The following SPTA1 variants were observed in gnomAD, a reference collection of about 807,000 sequenced individuals.
The protein encoded by SPTA1 is spectrin alpha, erythrocytic 1, also known as spectrin alpha chain, erythrocytic 1.
Under a neutral mutation model 324.7 loss-of-function variants are expected in SPTA1, and 177 were observed. The observed-to-expected ratio is 0.55, with a 90% CI of 0.48 to 0.62. SPTA1 has a LOEUF of 0.62. SPTA1 is among the 20% of genes least tolerant of loss of function. SPTA1 has a pLI of 0.00. For synonymous variants in SPTA1, 1,195 were observed against 1,041.3 expected, an observed-to-expected ratio of 1.15 and a Z score of -2.84; for missense variants, 3,162 against 2,883.6, an observed-to-expected ratio of 1.10 and a Z score of -2.21.
At chr1:158,670,171 C>G (rs1653911998) in intron 12 of SPTA1, among the ~76,000 whole-genome samples, 1 of 152,134 alleles carries the variant, frequency 6.6e-6, no homozygotes, top group Non-Finnish European at 1.5e-5. Flanking sequence ...CTATCTCTAT[C>G]TCATCTCTAC....
chr1:158,631,264 A>C (rs1298582145), intron 39 of SPTA1, among the ~76,000 whole-genome samples: 1 of 152,232 alleles, frequency 6.6e-6, no homozygotes, highest in Non-Finnish European at 1.5e-5. Flanking sequence ...ACATCATGGA[A>C]TAGTACTCAG....
intron 7 of SPTA1, among the ~76,000 whole-genome samples, chr1:158,676,579 G>A (rs1375236366): frequency 1.3e-5 from 2 of 151,794 alleles, no homozygotes; most frequent in East Asian, 3.9e-4. Flanking sequence ...TCTTTTATGC[G>A]AAAACTGAGA....
intron 1 of SPTA1, 80 bp from the exon 2 acceptor site, chr1:158,685,427 T>C: frequency 2.5e-6 from 4 of 1,584,516 alleles, no homozygotes; most frequent in Non-Finnish European, 3.4e-6. Flanking sequence ...TCAAGGTGTT[T>C]ACTCATGTTG....
chr1:158,663,729 G>A (rs966718780), intron 16 of SPTA1, among the ~76,000 whole-genome samples: 15 of 152,052 alleles, frequency 9.9e-5, no homozygotes, highest in African/African-American at 2.9e-4. Context: ...GGTAGCATTA[G>A]GACAAATACC....
rs2101946937 is a variant in SPTA1 at position 158,681,739 on chromosome 1, G to T, written c.391-72C>A. The T allele has an allele frequency of 1.9e-6, 3 of 1,597,990 alleles. No individual in the cohort carries two copies. The South Asian group carries it at 3.3e-5, about 18-fold the overall frequency. ...AGGGAAACACTCAGAGACTTGTGCA[G>T]AAAGAGACCTGGATAAAAATTCTTC... On this transcript the variant is annotated intron_variant, in intron 3 of 51. Transcript: ENST00000643759.
intron 3 of SPTA1, among the ~76,000 whole-genome samples, chr1:158,682,663 A>C (rs1022746913): frequency 4.6e-5 from 7 of 152,212 alleles, no homozygotes; most frequent in African/African-American, 1.7e-4. Context: ...CAATTAAAAA[A>C]ATACATAAAC....
chr1:158,629,834 C>T (rs959768272), intron 39 of SPTA1, among the ~76,000 whole-genome samples: 3 of 151,620 alleles, frequency 2.0e-5, no homozygotes, highest in South Asian at 2.1e-4. Context: ...ACATAAAAGT[C>T]GGTTTAGAAA....
intron 8 of SPTA1, 142 bp from the exon 9 acceptor site, chr1:158,674,817 C>G: frequency 8.5e-7 from 1 of 1,175,488 alleles, no homozygotes; most frequent in Non-Finnish European, 1.2e-6. Flanking sequence ...TGATTATTTC[C>G]TGTTATTTAC....
Position 158,626,831 on chromosome 1 carries a change from C to T in SPTA1, c.5833+8G>A. 1 of 1,613,544 alleles carries T rather than the reference C, an allele frequency of 6.2e-7. No individual in the cohort carries two copies. Among genetic ancestry groups the T allele is most frequent in the Admixed American group, 1.7e-5 (1 of 60,012 alleles). ...AACCCAAGGGACCCTGAACCTGACA[C>T]ATCATACCTATCCAAGCCTCTACCA... On this transcript the variant is annotated splice_region_variant and intron_variant, in intron 41 of 51. Coordinates refer to ENST00000643759, the MANE Select transcript of SPTA1 (RefSeq NM_003126.4).
chr1:158,612,730 GT>G (rs748529572), intron 51 of SPTA1, 86 bp downstream of exon 51: 8 of 1,507,384 alleles, frequency 5.3e-6, no homozygotes, highest in South Asian at 1.2e-5. Flanking sequence ...AAGTGGGTGG[GT>G]TTTTTCAAAG....
At position 158,619,321 on chromosome 1, in the gene SPTA1, T is replaced by C. The variant is rs560269457; in HGVS notation, c.6431A>G (p.Glu2144Gly). 114 of 1,614,140 alleles carry C rather than the reference T, an allele frequency of 7.1e-5. 1 individual carries two copies. In the South Asian group the frequency reaches 1.2e-3, roughly 17 times the overall value. The change falls in exon 45 of 52, where the codon GAG becomes GGG. Residue 2144 changes from glutamate to glycine, a missense_variant. By Grantham distance (98) the Glu-to-Gly change is moderately conservative. Transcript: ENST00000643759. The part of the protein sequence containing the change: ...LSDIIEEREQ[E>G]LQKEEARQVK... ...CTGTCTTGCCTCTTCCTTTTGCAGC[T>C]CCTGCTCCCGTTCCTAAAACCCCAA...
intron 18 of SPTA1, among the ~76,000 whole-genome samples, chr1:158,660,692 G>T (rs557246480): frequency 1.9e-4 from 29 of 152,166 alleles, no homozygotes; most frequent in Admixed American, 1.9e-3. Context: ...CTAGATACTG[G>T]TTGGCATCAA....
At chr1:158,646,324 C>A (rs1483458837) in intron 27 of SPTA1, among the ~76,000 whole-genome samples, 1 of 151,962 alleles carries the variant, frequency 6.6e-6, no homozygotes, top group Non-Finnish European at 1.5e-5. Flanking sequence ...CAACAGGAAC[C>A]CTTAGCTCTA....
chr1:158,669,436 T>C lies in SPTA1; in HGVS notation c.1805A>G (p.Lys602Arg), dbSNP rs753096731. Residue 602 changes from lysine (K) to arginine (R), a missense_variant, in exon 14 of 52, where the codon AAA (lysine) becomes AGA (arginine). Transcript: ENST00000643759. ...DDLKNWINKK[K>R]KLADDEDYKD... ...GTAATCTTCATCATCTGCCAACTTT[T>C]TCTTCTTGTTGATCCAGTTCTTTAG... 44 of 1,614,016 alleles carry C rather than the reference T, an allele frequency of 2.7e-5. No individual in the cohort carries two copies. Among genetic ancestry groups the C allele is most frequent in the Non-Finnish European group, 3.4e-5 (40 of 1,179,990 alleles).
intron 5 of SPTA1, among the ~76,000 whole-genome samples, chr1:158,679,989 G>A (rs1407911851): frequency 6.6e-6 from 1 of 151,982 alleles, no homozygotes; most frequent in Non-Finnish European, 1.5e-5. Context: ...AAATGGAAAA[G>A]CAAAATATAG....
chr1:158,652,638 C>T lies in SPTA1; in HGVS notation c.3204G>A (p.Leu1068=), dbSNP rs749454806. 26 of 1,613,968 alleles carry T rather than the reference C, an allele frequency of 1.6e-5. 1 individual carries two copies. In the South Asian group the frequency reaches 2.2e-4, roughly 14 times the overall value. Residue 1068 remains leucine, a synonymous_variant, in exon 23 of 52, where the codon TTG becomes TTA. Transcript: ENST00000643759. ...EQIENQYRSL[L]DRAEERRRRL... ...GACGTCTGCGTTCTTCTGCCCGATC[C>T]AAGAGGGAGCGGTATCTGGATGGAG... is the stretch of plus-strand genomic sequence containing the variant.
intron 2 of SPTA1, 139 bp downstream of exon 2, chr1:158,684,969 C>T (rs1655061158): frequency 6.9e-6 from 7 of 1,017,854 alleles, no homozygotes; most frequent in Admixed American, 6.3e-5. Flanking sequence ...TAACTTCCCA[C>T]TCCACTGACT....
intron 3 of SPTA1, among the ~76,000 whole-genome samples, chr1:158,682,632 T>C (rs959909771): frequency 6.6e-6 from 1 of 152,172 alleles, no homozygotes; most frequent in Non-Finnish European, 1.5e-5. Context: ...TTTTAAGATA[T>C]ATAATGCAAA....
intron 20 of SPTA1, among the ~76,000 whole-genome samples, chr1:158,655,746 A>T (rs1266079795): frequency 2.0e-5 from 3 of 152,168 alleles, no homozygotes; most frequent in African/African-American, 7.2e-5. Flanking sequence ...AGACATTGTT[A>T]TAACATTTAT....
Sources: gnomAD v4.1 joint callset for allele counts (sites outside exome capture counted in the v4.1 genomes callset) on GRCh38, gnomAD v4.1.1 for gene constraint, MANE v1.5 for transcripts, NCBI Gene and HGNC (gene_info 2026-07-23, HGNC 2026-07-21) for gene names.